The following EXT2 variants were observed in gnomAD, a reference collection of about 807,000 sequenced individuals.
EXT2 encodes exostosin glycosyltransferase 2.
A neutral mutation model predicts 81.6 loss-of-function variants in EXT2; 53 were observed. The ratio of observed to expected loss-of-function variants is 0.65; its 90% CI spans 0.52 to 0.82. The LOEUF (loss-of-function observed/expected upper bound fraction) is 0.82. Among genes scored for constraint, EXT2 ranks in the 40% least tolerant of loss-of-function variants. The probability of loss-of-function intolerance (pLI) is 0.00; values close to 1 mark genes in which losing one functional copy is unlikely to be tolerated. For missense variants in EXT2, 774 were observed against 910.2 expected (o/e 0.85, Z 1.93); for synonymous variants, 320 against 340.0 (o/e 0.94, Z 0.65).
At position 44,197,895 on chromosome 11, in the gene EXT2, G is replaced by T. The variant is rs146086025; in HGVS notation, c.1372G>T (p.Ala458Ser). The T allele has an allele frequency of 6.2e-7, 1 of 1,614,066 alleles. No homozygotes were observed. Among genetic ancestry groups the T allele is most frequent in the Admixed American group, 1.7e-5 (1 of 60,014 alleles). Residue 458 changes from alanine (A) to serine (S), a missense_variant, in exon 9 of 14, where the codon GCC becomes TCC. Transcript: ENST00000533608. ...LIPPQSQGFT[A>S]IVLTYDRVES... ...CCCACCACAGTCTCAAGGGTTCACC[G>T]CCATAGTCCTCACCTACGACCGAGT...
In EXT2 at chr11:44,129,440, C is replaced by G. The variant is rs534021291; in HGVS notation, c.1080-605C>G. ...TGCTCCAGCCACAATAGCCTCCTTGCTGTTCCTGGAACTTGCCCACCATAC... is the reference window on the plus strand; with the variant it reads ...TGCTCCAGCCACAATAGCCTCCTTGGTGTTCCTGGAACTTGCCCACCATAC... On this transcript the variant is annotated intron_variant, in intron 6 of 13. Transcript: ENST00000533608. Among the ~76,000 whole-genome samples the G allele has an allele frequency of 1.4e-4, 22 of 152,314 alleles. 1 individual carries two copies. Among genetic ancestry groups the G allele is most frequent in the African/African-American group, 5.3e-4 (22 of 41,566 alleles).
At chr11:44,099,798 G>A (rs1420503955) in intron 1 of EXT2, among the ~76,000 whole-genome samples, 1 of 152,178 alleles carries the variant, frequency 6.6e-6, no homozygotes, top group African/African-American at 2.4e-5. Context: ...GTGCTCACAG[G>A]GAAGATCCTC....
At chr11:44,113,642 A>G (rs928781817) in intron 3 of EXT2, among the ~76,000 whole-genome samples, 7 of 152,204 alleles carry the variant, frequency 4.6e-5, no homozygotes, top group Non-Finnish European at 7.4e-5. Context: ...CATGATTGAC[A>G]TGTAACTCTG....
In EXT2 at chr11:44,240,019, A is replaced by G. The variant is rs192657135; in HGVS notation, c.2018+3644A>G. On this transcript the variant is annotated intron_variant, in intron 13 of 13. Coordinates refer to ENST00000533608, the MANE Select transcript of EXT2 (RefSeq NM_207122.2). ...CAATCCCTAATACAACATAAATGCT[A>G]TGTAAATAGTTGTTACATGGCATTG... is the stretch of plus-strand genomic sequence containing the variant. 4.6e-5 allele frequency among the ~76,000 whole-genome samples: 7 copies of G among 152,324 alleles called. No homozygotes were observed. In the East Asian group the frequency reaches 1.4e-3, roughly 29 times the overall value.
chr11:44,238,400 T>A (rs1414095682), intron 13 of EXT2, among the ~76,000 whole-genome samples: 1 of 152,178 alleles, frequency 6.6e-6, no homozygotes, highest in Non-Finnish European at 1.5e-5. Flanking sequence ...CAGCCTGGTC[T>A]TGAACTCCTG....
At chr11:44,178,231 A>G (rs1955185332) in intron 8 of EXT2, among the ~76,000 whole-genome samples, 1 of 152,216 alleles carries the variant, frequency 6.6e-6, no homozygotes, top group Admixed American at 6.5e-5. Flanking sequence ...CCTGAGATTC[A>G]GATTGGGTAG....
intron 1 of EXT2, among the ~76,000 whole-genome samples, chr11:44,106,330 T>G (rs971665109): frequency 2.0e-5 from 3 of 152,118 alleles, no homozygotes; most frequent in Non-Finnish European, 4.4e-5. Flanking sequence ...TTTTCCTCCC[T>G]CCCTTTGTCT....
chr11:44,145,246 C>T (rs1017640483), intron 7 of EXT2, among the ~76,000 whole-genome samples: 2 of 152,084 alleles, frequency 1.3e-5, no homozygotes, highest in African/African-American at 4.8e-5. Flanking sequence ...ACATCTCATT[C>T]TAAAAACATT....
intron 8 of EXT2, among the ~76,000 whole-genome samples, chr11:44,186,079 A>T (rs1419787165): frequency 6.6e-6 from 1 of 152,224 alleles, no homozygotes; most frequent in Non-Finnish European, 1.5e-5. Context: ...AAGTATTTTC[A>T]GTGTATTTAT....
intron 7 of EXT2, among the ~76,000 whole-genome samples, chr11:44,163,582 A>G (rs1381842468): frequency 1.3e-5 from 2 of 152,254 alleles, no homozygotes; most frequent in Non-Finnish European, 2.9e-5. Context: ...AAAGGCTTAG[A>G]ATCTCTTTGG....
intron 10 of EXT2, among the ~76,000 whole-genome samples, chr11:44,225,431 G>T (rs1444268716): frequency 6.6e-6 from 1 of 152,122 alleles, no homozygotes; most frequent in Non-Finnish European, 1.5e-5. Flanking sequence ...TTCACAAAGA[G>T]CCTGTAGCTT....
At chr11:44,199,082 G>C (rs1048275513) in intron 9 of EXT2, among the ~76,000 whole-genome samples, 1 of 152,238 alleles carries the variant, frequency 6.6e-6, no homozygotes, top group Non-Finnish European at 1.5e-5. Flanking sequence ...TTAAATGAAG[G>C]TCCTGTATTA....
At chr11:44,196,546 G>A (rs986585750) in intron 8 of EXT2, among the ~76,000 whole-genome samples, 2 of 152,016 alleles carry the variant, frequency 1.3e-5, no homozygotes, top group African/African-American at 4.8e-5. Context: ...CACCAGTCTG[G>A]AATATTTTGT....
intron 11 of EXT2, among the ~76,000 whole-genome samples, chr11:44,233,606 G>A (rs113481560): frequency 8.5e-5 from 13 of 152,206 alleles, no homozygotes; most frequent in South Asian, 6.2e-4. Flanking sequence ...AACTGATGTC[G>A]GGAGAAAGGT....
intron 1 of EXT2, among the ~76,000 whole-genome samples, chr11:44,096,609 G>T (rs1195478040): frequency 6.6e-6 from 1 of 152,164 alleles, no homozygotes; most frequent in African/African-American, 2.4e-5. Flanking sequence ...TCGGGCCGGG[G>T]CCAGGGGCAT....
rs1009506367 is a variant in EXT2 at position 44,251,924 on chromosome 11, A to G, written c.*7637A>G. On this transcript the variant is annotated 3_prime_UTR_variant, in exon 14 of 14. Coordinates refer to ENST00000533608, the MANE Select transcript of EXT2 (RefSeq NM_207122.2). ...AGATAACCAAAACAAGTGACTGAAT[A>G]TAATTTCAAATGTCAATAAATGCTG... Among the ~76,000 whole-genome samples, 1 of 152,250 alleles carries G rather than the reference A, an allele frequency of 6.6e-6. No individual in the cohort carries two copies. The highest frequency in any genetic ancestry group is 1.5e-5 in the Non-Finnish European group (1 of 68,046).
chr11:44,118,581 A>G (rs990502882), intron 4 of EXT2, among the ~76,000 whole-genome samples: 1 of 152,206 alleles, frequency 6.6e-6, no homozygotes, highest in Non-Finnish European at 1.5e-5. Context: ...ATTTTTTAGC[A>G]GTATTCATCA....
intron 6 of EXT2, among the ~76,000 whole-genome samples, chr11:44,128,140 A>C (rs1954436552): frequency 6.6e-6 from 1 of 152,234 alleles, no homozygotes; most frequent in Non-Finnish European, 1.5e-5. Flanking sequence ...TAGTTCATTC[A>C]TTCATTCATT....
intron 9 of EXT2, 85 bp downstream of exon 9, chr11:44,198,103 G>C: frequency 2.1e-6 from 3 of 1,409,954 alleles, no homozygotes; most frequent in Non-Finnish European, 3.0e-6. Flanking sequence ...AAATTTTCCT[G>C]CTTTGTCAAT....
Sources: gnomAD v4.1 joint callset for allele counts (sites outside exome capture counted in the v4.1 genomes callset) on GRCh38, gnomAD v4.1.1 for gene constraint, MANE v1.5 for transcripts, NCBI Gene and HGNC (gene_info 2026-07-23, HGNC 2026-07-21) for gene names.